The following NEGR1 variants were observed in gnomAD, a reference collection of about 807,000 sequenced individuals.
The protein encoded by NEGR1 is neuronal growth regulator 1.
A neutral mutation model predicts 40.9 loss-of-function variants in NEGR1; 10 were observed. That is an observed-to-expected ratio of 0.24 (90% CI 0.15 to 0.42). NEGR1 has a LOEUF of 0.42. Ranked by LOEUF, NEGR1 falls within the 10% of genes least tolerant of loss-of-function variation. The pLI is 1.00. For missense variants in NEGR1, 352 were observed against 438.9 expected, an observed-to-expected ratio of 0.80 and a Z score of 1.77; for synonymous variants, 185 against 166.8, an observed-to-expected ratio of 1.11 and a Z score of -0.84.
At chr1:71,918,140 C>G (rs1414445861) in intron 2 of NEGR1, among the ~76,000 whole-genome samples, 3 of 137,162 alleles carry the variant, frequency 2.2e-5, no homozygotes, top group Non-Finnish European at 4.6e-5. Context: ...TGGCGTGAAC[C>G]CGGGAGGCAG....
intron 2 of NEGR1, among the ~76,000 whole-genome samples, chr1:71,833,334 G>C (rs13375681): frequency 6.6e-6 from 1 of 152,042 alleles, no homozygotes; most frequent in Non-Finnish European, 1.5e-5. Flanking sequence ...TTCTGAGTTA[G>C]ACACTATTGT....
intron 6 of NEGR1, among the ~76,000 whole-genome samples, chr1:71,430,706 T>C (rs1646460247): frequency 9.2e-4 from 1 of 1,082 alleles, no homozygotes; most frequent in Non-Finnish European, 7.5e-3. Flanking sequence ...AAAAGGCCTT[T>C]TTTTTTTTTT....
chr1:71,467,609 C>G (rs1166606334), intron 6 of NEGR1, among the ~76,000 whole-genome samples: 1 of 151,922 alleles, frequency 6.6e-6, no homozygotes, highest in Non-Finnish European at 1.5e-5. Flanking sequence ...GGTTGTATGT[C>G]TTTCAGAATA....
intron 2 of NEGR1, among the ~76,000 whole-genome samples, chr1:71,905,420 T>A (rs1191692114): frequency 6.6e-6 from 1 of 152,062 alleles, no homozygotes; most frequent in African/African-American, 2.4e-5. Flanking sequence ...TTTAGATAAA[T>A]GTTTTTATTT....
At chr1:71,947,341 G>C (rs532539178) in intron 1 of NEGR1, among the ~76,000 whole-genome samples, 1 of 151,984 alleles carries the variant, frequency 6.6e-6, no homozygotes. Context: ...TGTTGGAATG[G>C]ATTTTATGGA....
chr1:72,003,713 C>A (rs2100386430), intron 1 of NEGR1, among the ~76,000 whole-genome samples: 1 of 152,188 alleles, frequency 6.6e-6, no homozygotes, highest in East Asian at 1.9e-4. Flanking sequence ...GATATAAAAT[C>A]TTACATAGAA....
intron 4 of NEGR1, among the ~76,000 whole-genome samples, chr1:71,691,210 A>C (rs554011396): frequency 1.3e-4 from 20 of 152,056 alleles, no homozygotes; most frequent in African/African-American, 4.8e-4. Flanking sequence ...TCAATAGAAA[A>C]ATTCATGTAT....
At chr1:71,503,462 G>A (rs762175906) in intron 6 of NEGR1, among the ~76,000 whole-genome samples, 17 of 152,164 alleles carry the variant, frequency 1.1e-4, no homozygotes, top group Non-Finnish European at 2.4e-4. Flanking sequence ...GGGGCAACAA[G>A]AGGGTTAGAG....
chr1:71,905,830 T>G (rs1411256555), intron 2 of NEGR1, among the ~76,000 whole-genome samples: 2 of 150,764 alleles, frequency 1.3e-5, no homozygotes, highest in Non-Finnish European at 3.0e-5. Flanking sequence ...TCACTTATAA[T>G]TTAGAGGTTG....
intron 1 of NEGR1, among the ~76,000 whole-genome samples, chr1:72,209,374 G>A (rs937791861): frequency 2.0e-5 from 3 of 151,418 alleles, no homozygotes; most frequent in African/African-American, 4.8e-5. Flanking sequence ...TCTAATATCA[G>A]TGCCATTTTT....
At chr1:72,167,255 A>G (rs1464519265) in intron 1 of NEGR1, among the ~76,000 whole-genome samples, 4 of 152,264 alleles carry the variant, frequency 2.6e-5, no homozygotes, top group Admixed American at 2.6e-4. Flanking sequence ...TTTGTCCATG[A>G]TTTCCTTAAG....
intron 1 of NEGR1, among the ~76,000 whole-genome samples, chr1:72,037,890 A>C (rs1372406508): frequency 6.6e-6 from 1 of 152,116 alleles, no homozygotes; most frequent in Non-Finnish European, 1.5e-5. Context: ...TGTAATTAAC[A>C]GAGCACCATT....
intron 2 of NEGR1, among the ~76,000 whole-genome samples, chr1:71,789,086 G>A (rs892296593): frequency 2.0e-5 from 3 of 152,076 alleles, no homozygotes; most frequent in Non-Finnish European, 4.4e-5. Flanking sequence ...TGTTGTAGCC[G>A]TCTAAATAGA....
At chr1:72,022,260 CATATATATATATATATATATATAT>C (rs59160727) in intron 1 of NEGR1, among the ~76,000 whole-genome samples, 21 of 111,664 alleles carry the variant, frequency 1.9e-4, no homozygotes, top group African/African-American at 2.5e-4. Flanking sequence ...AAACAATTTT[CATATATATATATATATATATATAT>C]ATATATATAT....
At chr1:72,193,599 A>G (rs1252259100) in intron 1 of NEGR1, among the ~76,000 whole-genome samples, 1 of 151,646 alleles carries the variant, frequency 6.6e-6, no homozygotes, top group Admixed American at 6.6e-5. Flanking sequence ...AAAGATCAAA[A>G]TATATTTTAA....
chr1:71,798,402 A>T (rs1657418583), intron 2 of NEGR1: 1 of 152,220 alleles, frequency 6.6e-6, no homozygotes, highest in Admixed American at 6.5e-5. Flanking sequence ...TATAAAAAAG[A>T]AAGATGACAA....
chr1:71,644,816 T>G (rs544741870), intron 4 of NEGR1, among the ~76,000 whole-genome samples: 9 of 152,074 alleles, frequency 5.9e-5, no homozygotes, highest in Admixed American at 2.0e-4. Context: ...CCTCTTGTGT[T>G]ATTTCCAGTA....
At chr1:71,493,751 T>C (rs1009229351) in intron 6 of NEGR1, among the ~76,000 whole-genome samples, 2 of 152,178 alleles carry the variant, frequency 1.3e-5, no homozygotes, top group African/African-American at 2.4e-5. Flanking sequence ...AATTCAAGTA[T>C]CTTAAATATT....
At chr1:72,271,265 T>C (rs1655834850) in intron 1 of NEGR1, among the ~76,000 whole-genome samples, 1 of 151,906 alleles carries the variant, frequency 6.6e-6, no homozygotes, top group Non-Finnish European at 1.5e-5. Flanking sequence ...GCAGAAGATT[T>C]TTCAAAGATG....
Sources: allele counts gnomAD v4.1 joint callset (sites outside exome capture counted in the v4.1 genomes callset), GRCh38; gene constraint gnomAD v4.1.1; transcripts MANE v1.5; gene names NCBI Gene and HGNC (gene_info 2026-07-23, HGNC 2026-07-21).